Variants in EGFL6 observed in about 807,000 individuals in gnomAD.
The protein encoded by EGFL6 is EGF like domain multiple 6, also known as epidermal growth factor-like protein 6.
A neutral mutation model predicts 43.1 loss-of-function variants in EGFL6; 42 were observed. The ratio of observed to expected loss-of-function variants is 0.98; its 90% CI spans 0.76 to 1.26. The LOEUF (loss-of-function observed/expected upper bound fraction) is 1.26. Among genes scored for constraint, EGFL6 ranks in the 50% most tolerant of loss-of-function variants. EGFL6 has a pLI of 0.00. For missense variants in EGFL6, 429 were observed against 427.8 expected (o/e 1.00, Z -0.02); for synonymous variants, 164 against 163.2 (o/e 1.01, Z -0.04).
chrX:13,626,766 T>C (rs2045782721), intron 10 of EGFL6, among the ~76,000 whole-genome samples: 1 of 112,405 alleles, frequency 8.9e-6, no homozygotes, highest in African/African-American at 3.2e-5. Flanking sequence ...TGTGTATGCT[T>C]TGTGTATGCA....
rs769084488 is a variant in EGFL6 at position 13,620,130 on chromosome X, C to T, written c.1183+887C>T. ...GGGATAAAAATCAGGACCATTTTTGCGATCATTCCACCAAAGCCTCATAAT... is the reference window on the plus strand; with the variant it reads ...GGGATAAAAATCAGGACCATTTTTGTGATCATTCCACCAAAGCCTCATAAT... On this transcript the variant is annotated intron_variant, in intron 9 of 11. Coordinates refer to ENST00000361306, the MANE Select transcript of EGFL6 (RefSeq NM_015507.4). Among the ~76,000 whole-genome samples, 7 of 111,415 alleles carry T rather than the reference C, an allele frequency of 6.3e-5. No individual in the cohort carries two copies. In the South Asian group the frequency reaches 1.9e-3, roughly 30 times the overall value.
chrX:13,587,591 T>G (rs1310896205), intron 1 of EGFL6, among the ~76,000 whole-genome samples: 1 of 112,194 alleles, frequency 8.9e-6, no homozygotes, highest in Admixed American at 9.5e-5. Flanking sequence ...TTATCATAGG[T>G]TCTTTGGAAA....
intron 1 of EGFL6, among the ~76,000 whole-genome samples, chrX:13,578,726 C>G (rs1432128437): frequency 9.2e-6 from 1 of 109,153 alleles, no homozygotes; most frequent in East Asian, 2.9e-4. Flanking sequence ...GGGAATTGAA[C>G]AATGAGAACA....
chrX:13,610,056 C>T (rs1415063109), intron 7 of EGFL6, among the ~76,000 whole-genome samples: 1 of 111,548 alleles, frequency 9.0e-6, no homozygotes, highest in African/African-American at 3.3e-5. Context: ...CAGCGCCACA[C>T]CCATAAAAGG....
chrX:13,598,747 CCTT>C (rs779333067), intron 3 of EGFL6, among the ~76,000 whole-genome samples: 1 of 106,186 alleles, frequency 9.4e-6, no homozygotes, highest in South Asian at 4.1e-4. Flanking sequence ...AGTTTTGTAA[CCTT>C]CTTTTATCAC....
chrX:13,592,660 G>A (rs965422311), intron 2 of EGFL6, among the ~76,000 whole-genome samples: 15 of 110,029 alleles, frequency 1.4e-4, no homozygotes, highest in African/African-American at 5.0e-4. Flanking sequence ...AAGTTGAGTG[G>A]GCATTCATAG....
intron 4 of EGFL6, among the ~76,000 whole-genome samples, chrX:13,600,511 T>G (rs2045628119): frequency 9.3e-6 from 1 of 108,046 alleles, no homozygotes; most frequent in Admixed American, 9.9e-5. Flanking sequence ...GGTCTCAAAC[T>G]CTTGACCTCA....
At chrX:13,571,656 C>G (rs1211504153) in intron 1 of EGFL6, among the ~76,000 whole-genome samples, 1 of 112,020 alleles carries the variant, frequency 8.9e-6, no homozygotes, top group Non-Finnish European at 1.9e-5. Flanking sequence ...GCATATTAAA[C>G]TGGAGAATCC....
Position 13,633,113 on chromosome X carries a change from T to C in EGFL6, c.*18T>C. The C allele has an allele frequency of 8.6e-7, 1 of 1,158,467 alleles. No individual in the cohort carries two copies. The highest frequency in any genetic ancestry group is 1.2e-6 in the Non-Finnish European group (1 of 864,977). ...ATGACTGAATGTTACTATCTTTATA[T>C]TTGACTTTGTATGTCAGTTCCCTGG... On this transcript the variant is annotated 3_prime_UTR_variant, in exon 12 of 12. Coordinates refer to ENST00000361306, the MANE Select transcript of EGFL6 (RefSeq NM_015507.4).
intron 7 of EGFL6, among the ~76,000 whole-genome samples, chrX:13,612,628 A>C (rs1305426175): frequency 9.1e-6 from 1 of 110,302 alleles, no homozygotes; most frequent in African/African-American, 3.3e-5. Context: ...GCGGCTGGGC[A>C]GAGGCACCCC....
intron 5 of EGFL6, among the ~76,000 whole-genome samples, chrX:13,605,328 T>C (rs1209745985): frequency 9.0e-6 from 1 of 111,111 alleles, no homozygotes; most frequent in Non-Finnish European, 1.9e-5. Flanking sequence ...GTCCCAGCTA[T>C]GCTAGAGGCT....
chrX:13,575,040 A>T (rs762326446), intron 1 of EGFL6: 53 of 115,820 alleles, frequency 4.6e-4, no homozygotes, highest in Non-Finnish European at 9.3e-4. Context: ...CATTAGAAGC[A>T]TGCCATAACA....
At chrX:13,574,742 A>AG (rs1259391761) in intron 1 of EGFL6, 1 of 111,303 alleles carries the variant, frequency 9.0e-6, no homozygotes, top group Non-Finnish European at 1.9e-5. Context: ...AAAAAAAAAA[A>AG]AAATCACCGG....
In EGFL6 at chrX:13,603,325, A is replaced by G. The variant is rs2045643612; in HGVS notation, c.409A>G (p.Thr137Ala). The G allele has an allele frequency of 8.3e-7, 1 of 1,206,066 alleles. No homozygotes were observed. Among genetic ancestry groups the G allele is most frequent in the African/African-American group, 1.7e-5 (1 of 57,179 alleles). ...MPDATCVNSR[T>A]CAMINCQYSC... ...CTTGTCTACTTTTTCAGACTCTAGGACATGTGCCATGATAAACTGTCAGTA... is the reference window on the plus strand; with the variant it reads ...CTTGTCTACTTTTTCAGACTCTAGGGCATGTGCCATGATAAACTGTCAGTA... The change falls in exon 5 of 12, where the codon ACA becomes GCA. Residue 137 changes from threonine (T) to alanine (A), a missense_variant. By Grantham distance (58) the Thr-to-Ala change is moderately conservative. Coordinates refer to ENST00000361306, the MANE Select transcript of EGFL6 (RefSeq NM_015507.4).
intron 5 of EGFL6, among the ~76,000 whole-genome samples, chrX:13,603,857 A>G (rs1419629430): frequency 2.7e-5 from 3 of 112,106 alleles, no homozygotes; most frequent in African/African-American, 9.7e-5. Context: ...CATTATTGAA[A>G]ATAGTATACA....
chrX:13,570,065 C>G, intron 1 of EGFL6, 130 bp downstream of exon 1: 1 of 645,313 alleles, frequency 1.5e-6, no homozygotes. Context: ...CGCGCTGCGA[C>G]GGGATTTAAC....
chrX:13,591,820 A>G (rs896583035), intron 2 of EGFL6, among the ~76,000 whole-genome samples: 4 of 111,068 alleles, frequency 3.6e-5, no homozygotes, highest in African/African-American at 6.6e-5. Flanking sequence ...ATCTCCTCCC[A>G]AGGCAGGGTC....
Position 13,627,294 on chromosome X carries a change from G to C in EGFL6, c.1551+18G>C, listed in dbSNP as rs2045786886. 1 of 1,194,933 alleles carries C rather than the reference G, an allele frequency of 8.4e-7. No individual in the cohort carries two copies. The highest frequency in any genetic ancestry group is 2.2e-5 in the Admixed American group (1 of 44,538). ...CCAAAAGCGTAAGTGGGAAAAAAATGATTAAACTCAATATTTGCATTCTTT... is the reference window on the plus strand; with the variant it reads ...CCAAAAGCGTAAGTGGGAAAAAAATCATTAAACTCAATATTTGCATTCTTT... On this transcript the variant is annotated intron_variant, in intron 11 of 11. Transcript: ENST00000361306.
rs920309904 is a variant in EGFL6, at chrX:13,606,257, T to G, written c.521-122T>G. 9.8e-6 allele frequency: 7 copies of G among 710,954 alleles called. No individual in the cohort carries two copies. The Middle Eastern group carries it at 9.4e-4, about 95-fold the overall frequency. The allele number at this position is 710,954 out of a possible 1,213,427, so 58.6% of individuals were successfully genotyped here. On this transcript the variant is annotated intron_variant, in intron 5 of 11. Coordinates refer to ENST00000361306, the MANE Select transcript of EGFL6 (RefSeq NM_015507.4). ...AGAACACTTGCCAGAGGATATGATG[T>G]TGGCACCAGTATACTATTATCAGTT...
Sources: gnomAD v4.1 joint callset for allele counts (sites outside exome capture counted in the v4.1 genomes callset) on GRCh38, gnomAD v4.1.1 for gene constraint, MANE v1.5 for transcripts, NCBI Gene and HGNC (gene_info 2026-07-23, HGNC 2026-07-21) for gene names.